The following NRXN3 variants were observed in gnomAD, a reference collection of about 807,000 sequenced individuals.
The protein encoded by NRXN3 is neurexin III.
NRXN3 carries 32 observed loss-of-function variants against 137.6 expected under a neutral mutation model. That is an observed-to-expected ratio of 0.23 (90% CI 0.18 to 0.31). The LOEUF is 0.31. Ranked by LOEUF, NRXN3 falls within the 10% of genes least tolerant of loss-of-function variation. NRXN3 has a pLI of 1.00. For missense variants in NRXN3, 1,574 were observed against 2,062.5 expected (o/e 0.76, Z 4.59); for synonymous variants, 798 against 784.5 (o/e 1.02, Z -0.29).
intron 4 of NRXN3, among the ~76,000 whole-genome samples, chr14:78,357,624 T>C (rs1243477916): frequency 2.0e-5 from 3 of 152,190 alleles, no homozygotes; most frequent in African/African-American, 7.2e-5. Flanking sequence ...CTTGGAAGCA[T>C]GTCTTCTCTT....
chr14:79,410,142 G>A (rs2095394425), intron 15 of NRXN3, among the ~76,000 whole-genome samples: 1 of 151,506 alleles, frequency 6.6e-6, no homozygotes, highest in African/African-American at 2.4e-5. Flanking sequence ...TAATCTGTCT[G>A]TAATTTTCAT....
chr14:79,540,650 GAT>G (rs2097263691), intron 16 of NRXN3, among the ~76,000 whole-genome samples: 1 of 152,112 alleles, frequency 6.6e-6, no homozygotes, highest in African/African-American at 2.4e-5. Flanking sequence ...AAATAGCCTG[GAT>G]CAAGGAAAGC....
chr14:79,438,101 G>A (rs1203816049), intron 15 of NRXN3, among the ~76,000 whole-genome samples: 2 of 152,104 alleles, frequency 1.3e-5, no homozygotes, highest in East Asian at 1.9e-4. Flanking sequence ...GAAAAACTCG[G>A]GTAGGTGCAA....
chr14:78,620,878 G>A (rs760595615), intron 4 of NRXN3, among the ~76,000 whole-genome samples: 1 of 152,106 alleles, frequency 6.6e-6, no homozygotes, highest in Non-Finnish European at 1.5e-5. Flanking sequence ...TTAAGAACCA[G>A]GATCAAGATA....
intron 1 of NRXN3, among the ~76,000 whole-genome samples, chr14:78,191,726 A>G (rs1290910537): frequency 1.3e-5 from 2 of 152,130 alleles, no homozygotes; most frequent in Non-Finnish European, 2.9e-5. Flanking sequence ...GAATGAGGAA[A>G]ATCTTGAGAT....
At chr14:78,840,888 T>C (rs1237948291) in intron 10 of NRXN3, among the ~76,000 whole-genome samples, 2 of 152,218 alleles carry the variant, frequency 1.3e-5, no homozygotes, top group African/African-American at 4.8e-5. Flanking sequence ...TTAGTACTTA[T>C]CAGCAACAAA....
rs2096858289 is a variant in NRXN3 at position 79,504,659 on chromosome 14, ATAT to A, written c.3444+37258_3444+37260del. Among the ~76,000 whole-genome samples the A allele has an allele frequency of 3.5e-5, 5 of 142,236 alleles. No homozygotes were observed. In the East Asian group the frequency reaches 9.9e-4, roughly 28 times the overall value. The allele number at this position is 142,236 out of a possible 152,430, so 93.3% of individuals were successfully genotyped here. ...AAGTTTTTTATATATATATATGTAT[ATAT>A]ATATATATATATAAAACATTACACA... On this transcript the variant is annotated intron_variant, in intron 16 of 20. Transcript: ENST00000335750.
intron 15 of NRXN3, among the ~76,000 whole-genome samples, chr14:79,389,953 G>T (rs1297680345): frequency 6.6e-6 from 1 of 152,184 alleles, no homozygotes; most frequent in African/African-American, 2.4e-5. Context: ...AAAAAGATCA[G>T]GGTATAATCA....
chr14:78,663,151 T>G (rs2097854579), intron 6 of NRXN3, among the ~76,000 whole-genome samples: 1 of 152,190 alleles, frequency 6.6e-6, no homozygotes, highest in South Asian at 2.1e-4. Context: ...ATGTAAATAC[T>G]GTCAACATCC....
intron 8 of NRXN3, among the ~76,000 whole-genome samples, chr14:78,779,716 A>G (rs1395895464): frequency 3.3e-5 from 5 of 152,214 alleles, no homozygotes; most frequent in Non-Finnish European, 4.4e-5. Flanking sequence ...TTCATATACA[A>G]TAGTGACAAA....
At chr14:79,520,911 T>C (rs2097057951) in intron 16 of NRXN3, among the ~76,000 whole-genome samples, 1 of 152,168 alleles carries the variant, frequency 6.6e-6, no homozygotes, top group South Asian at 2.1e-4. Context: ...GCAATGCCAT[T>C]ACTGGGTATA....
At chr14:78,653,873 T>C (rs1302158602) in intron 6 of NRXN3, among the ~76,000 whole-genome samples, 3 of 152,170 alleles carry the variant, frequency 2.0e-5, no homozygotes, top group Admixed American at 6.5e-5. Flanking sequence ...GTGATGTCAA[T>C]ATATCCTTAT....
intron 10 of NRXN3, among the ~76,000 whole-genome samples, chr14:78,845,516 A>G (rs1261790151): frequency 1.3e-5 from 2 of 151,932 alleles, no homozygotes; most frequent in Non-Finnish European, 2.9e-5. Context: ...TTCTACTTAT[A>G]TGATTTCCTC....
intron 11 of NRXN3, among the ~76,000 whole-genome samples, chr14:78,960,814 A>G (rs2099406651): frequency 6.6e-6 from 1 of 152,140 alleles, no homozygotes; most frequent in South Asian, 2.1e-4. Flanking sequence ...GTATAGCACC[A>G]AGCTGTAAAA....
intron 4 of NRXN3, among the ~76,000 whole-genome samples, chr14:78,457,247 C>T (rs2094769814): frequency 6.6e-6 from 1 of 152,110 alleles, no homozygotes; most frequent in Admixed American, 6.6e-5. Flanking sequence ...CCATGTTGGC[C>T]AGGCTGGTCT....
intron 10 of NRXN3, among the ~76,000 whole-genome samples, chr14:78,856,064 A>G (rs2099056236): frequency 6.6e-6 from 1 of 152,136 alleles, no homozygotes. Context: ...TCTTAGTTCC[A>G]CCATGTTGCT....
chr14:79,678,539 A>G (rs2098653091), intron 17 of NRXN3, among the ~76,000 whole-genome samples: 1 of 152,172 alleles, frequency 6.6e-6, no homozygotes, highest in African/African-American at 2.4e-5. Flanking sequence ...TTTGGACAGC[A>G]TTCTTGTTTG....
intron 3 of NRXN3, among the ~76,000 whole-genome samples, chr14:78,294,104 A>G (rs970666164): frequency 2.0e-5 from 3 of 152,160 alleles, no homozygotes; most frequent in Non-Finnish European, 4.4e-5. Context: ...TATTGTCTGA[A>G]TTAATCATTT....
rs1181607053 is a variant in NRXN3 at position 78,451,213 on chromosome 14, T to C, written c.757+153353T>C. On this transcript the variant is annotated intron_variant, in intron 4 of 20. Coordinates refer to ENST00000335750, the MANE Select transcript of NRXN3 (RefSeq NM_001330195.2). ...TTAAGAATTGGACGTTTCTGAGTTA[T>C]AGCACCACATGTGCCCAATTACAAC... Among the ~76,000 whole-genome samples the C allele has an allele frequency of 1.3e-5, 2 of 152,194 alleles. 1 individual carries two copies. Among genetic ancestry groups the C allele is most frequent in the Non-Finnish European group, 2.9e-5 (2 of 68,008 alleles).
Sources: allele counts gnomAD v4.1 joint callset (sites outside exome capture counted in the v4.1 genomes callset), GRCh38; gene constraint gnomAD v4.1.1; transcripts MANE v1.5; gene names NCBI Gene and HGNC (gene_info 2026-07-23, HGNC 2026-07-21).